PDE1C: variants seen among roughly 807,000 people sequenced by gnomAD.
PDE1C encodes the protein dual specificity calcium/calmodulin-dependent 3',5'-cyclic nucleotide phosphodiesterase 1C.
A neutral mutation model predicts 93.1 loss-of-function variants in PDE1C; 62 were observed. That is an observed-to-expected ratio of 0.67 (90% CI 0.54 to 0.82). PDE1C has a LOEUF of 0.82. Among genes scored for constraint, PDE1C ranks in the 40% least tolerant of loss-of-function variants. PDE1C has a pLI of 0.00. For synonymous variants in PDE1C, 325 were observed against 310.1 expected (o/e 1.05, Z -0.50); for missense variants, 742 against 884.6 (o/e 0.84, Z 2.04).
intron 16 of PDE1C, among the ~76,000 whole-genome samples, chr7:31,801,094 G>A (rs953361106): frequency 4.7e-5 from 7 of 150,390 alleles, no homozygotes; most frequent in African/African-American, 1.7e-4. Flanking sequence ...AAGAAACTAT[G>A]AGACAAAGTA....
At chr7:31,841,753 G>C (rs1282150723) in intron 9 of PDE1C, among the ~76,000 whole-genome samples, 1 of 116,706 alleles carries the variant, frequency 8.6e-6, no homozygotes, top group Non-Finnish European at 2.0e-5. Flanking sequence ...CAATAGGATA[G>C]AAAGAGATTT....
chr7:32,077,239 T>TAAAAAAC (rs1554497229), intron 3 of PDE1C, among the ~76,000 whole-genome samples: 5 of 152,086 alleles, frequency 3.3e-5, no homozygotes, highest in Non-Finnish European at 5.9e-5. Context: ...GATTCTATCT[T>TAAAAAAC]AAAAAACAAA....
At chr7:31,714,731 T>C in the PDE1C span, among the ~76,000 whole-genome samples, 1 of 152,194 alleles carries the variant, frequency 6.6e-6, no homozygotes, top group African/African-American at 2.4e-5. Flanking sequence ...GCAGGGGAAC[T>C]CCTCTTTATA....
intron 1 of PDE1C, among the ~76,000 whole-genome samples, chr7:32,312,749 T>G (rs1024727956): frequency 1.3e-5 from 2 of 152,098 alleles, no homozygotes; most frequent in African/African-American, 4.8e-5. Flanking sequence ...ACACAAAAAT[T>G]AATTCAAAAT....
At chr7:32,125,765 G>A (rs1799541560) in intron 3 of PDE1C, among the ~76,000 whole-genome samples, 1 of 152,026 alleles carries the variant, frequency 6.6e-6, no homozygotes, top group Admixed American at 6.6e-5. Flanking sequence ...GTCAACAGAT[G>A]CAGCAAACCA....
chr7:32,218,214 T>A (rs1806569763), intron 1 of PDE1C, among the ~76,000 whole-genome samples: 1 of 152,202 alleles, frequency 6.6e-6, no homozygotes, highest in South Asian at 2.1e-4. Flanking sequence ...CAACCCCCAC[T>A]CTGTTCCTTT....
Position 31,875,822 on chromosome 7 carries a change from T to TAC in PDE1C, c.492+2147_492+2148insGT, listed in dbSNP as rs1796497665. Among the ~76,000 whole-genome samples, 2 of 89,060 alleles carry TAC rather than the reference T, an allele frequency of 2.2e-5. 1 individual carries two copies. The highest frequency in any genetic ancestry group is 8.4e-4 in the South Asian group (2 of 2,372). The allele number at this position is 89,060 out of a possible 152,430, so 58.4% of individuals were successfully genotyped here. A position where few individuals can be genotyped will look rare whatever the true frequency, so the allele number is the denominator to read the frequency against. On this transcript the variant is annotated intron_variant, in intron 5 of 17. Transcript: ENST00000396191. Reference sequence around the variant, plus strand: ...ATATATATATATATATATATATATATATATATATATATAATGGAAAAAGTA... The same window carrying TAC: ...ATATATATATATATATATATATATATACATATATATATATAATGGAAAAAGTA...
chr7:32,060,586 C>G (rs1049609988), intron 1 of PDE1C, among the ~76,000 whole-genome samples: 1 of 152,130 alleles, frequency 6.6e-6, no homozygotes, highest in African/African-American at 2.4e-5. Context: ...TTTCTTGGGA[C>G]CATTTTGAGC....
chr7:32,339,010 G>A (rs369809210), intron 1 of PDE1C, among the ~76,000 whole-genome samples: 2 of 138,538 alleles, frequency 1.4e-5, no homozygotes, highest in Admixed American at 7.3e-5. Context: ...CTCAAAAAAA[G>A]CACACACACA....
chr7:31,712,180 T>C, the PDE1C span, among the ~76,000 whole-genome samples: 6 of 152,194 alleles, frequency 3.9e-5, no homozygotes, highest in African/African-American at 9.7e-5. Context: ...TTGTGTAAGG[T>C]CCATAAACAC....
the PDE1C span, among the ~76,000 whole-genome samples, chr7:31,641,235 C>A: frequency 7.2e-5 from 11 of 152,178 alleles, no homozygotes; most frequent in Non-Finnish European, 1.3e-4. Flanking sequence ...GTTGTTCAAG[C>A]AAAGGCAAAT....
At chr7:31,857,453 A>G (rs1222558412) in intron 7 of PDE1C, among the ~76,000 whole-genome samples, 2 of 152,126 alleles carry the variant, frequency 1.3e-5, no homozygotes, top group African/African-American at 2.4e-5. Context: ...GGGCAGATTT[A>G]TTTGGTTTCC....
the PDE1C span, among the ~76,000 whole-genome samples, chr7:31,732,726 C>G: frequency 1.3e-5 from 2 of 149,984 alleles, no homozygotes; most frequent in Non-Finnish European, 3.0e-5. Flanking sequence ...ACACTTAGAG[C>G]TCTTTATTGC....
chr7:31,674,740 A>G, the PDE1C span, among the ~76,000 whole-genome samples: 1 of 152,190 alleles, frequency 6.6e-6, no homozygotes, highest in African/African-American at 2.4e-5. Flanking sequence ...AAATAAAATA[A>G]TATTCTTTTC....
At chr7:31,782,193 A>C (rs1019585070) in intron 16 of PDE1C, among the ~76,000 whole-genome samples, 3 of 152,230 alleles carry the variant, frequency 2.0e-5, no homozygotes, top group African/African-American at 7.2e-5. Context: ...TGCTATTGAA[A>C]TTATATTAAT....
chr7:32,128,172 A>G (rs1425160296), intron 3 of PDE1C, among the ~76,000 whole-genome samples: 2 of 132,860 alleles, frequency 1.5e-5, no homozygotes, highest in African/African-American at 5.4e-5. Flanking sequence ...AGTAAAAAAA[A>G]TTAATTTAGT....
the PDE1C span, among the ~76,000 whole-genome samples, chr7:31,703,197 C>G: frequency 1.3e-5 from 2 of 152,230 alleles, no homozygotes; most frequent in Non-Finnish European, 2.9e-5. Context: ...TTAGTTCCTT[C>G]CATTCTCTGT....
intron 2 of PDE1C, among the ~76,000 whole-genome samples, chr7:32,179,083 C>G (rs987973295): frequency 6.6e-6 from 1 of 152,216 alleles, no homozygotes; most frequent in Non-Finnish European, 1.5e-5. Flanking sequence ...AATTCTCATT[C>G]TCCTAATCCA....
chr7:32,313,539 A>G (rs11973098), intron 1 of PDE1C, among the ~76,000 whole-genome samples: 17,621 of 151,322 alleles, frequency 0.12, 1,135 homozygotes, highest in East Asian at 0.18. Context: ...TTAAGAAAAT[A>G]TGGCACATAT....
Sources: allele counts gnomAD v4.1 joint callset (sites outside exome capture counted in the v4.1 genomes callset), GRCh38; gene constraint gnomAD v4.1.1; transcripts MANE v1.5; gene names NCBI Gene and HGNC (gene_info 2026-07-23, HGNC 2026-07-21).